TBL1X: variants seen among roughly 807,000 people sequenced by gnomAD.
TBL1X encodes the protein transducin beta like 1 X-linked.
TBL1X carries 10 observed loss-of-function variants against 50.7 expected under a neutral mutation model. The ratio of observed to expected loss-of-function variants is 0.20; its 90% CI spans 0.12 to 0.33. The LOEUF (loss-of-function observed/expected upper bound fraction) is 0.33. TBL1X is among the 10% of genes least tolerant of loss of function. The probability of loss-of-function intolerance (pLI) is 1.00; values close to 1 mark genes in which losing one functional copy is unlikely to be tolerated. For synonymous variants in TBL1X, 190 were observed against 214.7 expected (o/e 0.88, Z 1.01); for missense variants, 340 against 504.4 (o/e 0.67, Z 3.12).
chrX:9,497,740 TCCTCCCTCCCTCCCTCCCTC>T (rs58273803), intron 1 of TBL1X, among the ~76,000 whole-genome samples: 1 of 72,045 alleles, frequency 1.4e-5, no homozygotes, highest in Non-Finnish European at 2.6e-5. Context: ...ATTAGCGTGT[TCCTCCCTCCCTCCCTCCCTC>T]CCTCCCTCCC....
At chrX:9,536,051 T>C (rs1039517534) in intron 2 of TBL1X, among the ~76,000 whole-genome samples, 25 of 111,920 alleles carry the variant, frequency 2.2e-4, no homozygotes, top group Non-Finnish European at 4.1e-4. Context: ...GGTTGTGCTG[T>C]GTTTCAAATG....
chrX:9,692,272 C>A lies in TBL1X; in HGVS notation c.891+18C>A. On this transcript the variant is annotated intron_variant, in intron 9 of 17. Transcript: ENST00000645353. ...ACTGGAATGTAAGCATCTTCCACCC[C>A]CTGGGCACTTTGAAATTGGTAAAAT... The A allele has an allele frequency of 8.7e-7, 1 of 1,152,149 alleles. No individual in the cohort carries two copies. The highest frequency in any genetic ancestry group is 1.1e-6 in the Non-Finnish European group (1 of 869,758). 95.0% of individuals were successfully genotyped at this position (1,152,149 alleles called of 1,213,427 possible).
intron 12 of TBL1X, among the ~76,000 whole-genome samples, chrX:9,700,260 G>A (rs1250381641): frequency 1.8e-5 from 2 of 112,530 alleles, no homozygotes; most frequent in Non-Finnish European, 3.8e-5. Context: ...GGGTGAGGCA[G>A]GGATGTCTAA....
intron 2 of TBL1X, among the ~76,000 whole-genome samples, chrX:9,615,282 G>A (rs1181026600): frequency 8.9e-6 from 1 of 112,064 alleles, no homozygotes; most frequent in African/African-American, 3.2e-5. Context: ...TGAGGATGAG[G>A]GGCATCTTGT....
At chrX:9,703,273 G>A (rs759450557) in intron 12 of TBL1X, among the ~76,000 whole-genome samples, 4 of 104,949 alleles carry the variant, frequency 3.8e-5, no homozygotes, top group Non-Finnish European at 8.0e-5. Context: ...GAAGGGAAGA[G>A]ATCACCAGAG....
intron 15 of TBL1X, among the ~76,000 whole-genome samples, chrX:9,710,245 GA>G (rs61536992): frequency 0.35 from 32,961 of 94,534 alleles, 5,162 homozygotes; most frequent in East Asian, 0.68. Flanking sequence ...AACAGAAGAA[GA>G]AAAAAAACCA....
chrX:9,528,409 G>A (rs2082142871), intron 2 of TBL1X, among the ~76,000 whole-genome samples: 1 of 110,978 alleles, frequency 9.0e-6, no homozygotes, highest in African/African-American at 3.3e-5. Flanking sequence ...TTTGAAGAGC[G>A]AGGAGTTCTC....
At chrX:9,664,523 G>A (rs2082916050) in intron 5 of TBL1X, among the ~76,000 whole-genome samples, 1 of 110,945 alleles carries the variant, frequency 9.0e-6, no homozygotes, top group African/African-American at 3.3e-5. Context: ...TTGAATGTTT[G>A]CAGACTGGGG....
intron 2 of TBL1X, among the ~76,000 whole-genome samples, chrX:9,569,066 T>A (rs905400103): frequency 8.5e-5 from 9 of 106,254 alleles, no homozygotes; most frequent in African/African-American, 2.8e-4. Context: ...ATCTGTGCTG[T>A]GTGTGTCTGG....
Position 9,512,363 on chromosome X carries a change from T to G in TBL1X, c.-131+10514T>G, listed in dbSNP as rs775431360. On this transcript the variant is annotated intron_variant, in intron 2 of 17. Coordinates refer to ENST00000645353, the MANE Select transcript of TBL1X (RefSeq NM_005647.4). Reference sequence around the variant, plus strand: ...TTGTGTTACTCATGACCAATGCAGCTTTCAAGTTTATGACACGTGGCACCC... The same window carrying G: ...TTGTGTTACTCATGACCAATGCAGCGTTCAAGTTTATGACACGTGGCACCC... Among the ~76,000 whole-genome samples the G allele has an allele frequency of 4.5e-5, 5 of 111,831 alleles. No homozygotes were observed. The South Asian group carries it at 1.5e-3, about 34-fold the overall frequency.
intron 6 of TBL1X, 24 bp from the exon 7 acceptor site, chrX:9,687,992 GC>G (rs2083070957): frequency 1.7e-6 from 2 of 1,191,077 alleles, no homozygotes; most frequent in Admixed American, 2.3e-5. Context: ...TGAGCTGACA[GC>G]TGTACCTTGG....
At chrX:9,702,352 G>T (rs1169150457) in intron 12 of TBL1X, among the ~76,000 whole-genome samples, 1 of 107,327 alleles carries the variant, frequency 9.3e-6, no homozygotes, top group Non-Finnish European at 1.9e-5. Context: ...TGAGGTGGGA[G>T]AATCACCTGA....
intron 2 of TBL1X, among the ~76,000 whole-genome samples, chrX:9,574,253 A>G (rs1223835226): frequency 1.8e-5 from 2 of 109,045 alleles, no homozygotes; most frequent in African/African-American, 6.7e-5. Context: ...GTCCGAGACC[A>G]GCCTGGGCAA....
chrX:9,705,426 G>A (rs2083200598), intron 13 of TBL1X, among the ~76,000 whole-genome samples: 1 of 110,850 alleles, frequency 9.0e-6, no homozygotes. Context: ...AATAGACGGG[G>A]CACATCTGCA....
intron 5 of TBL1X, among the ~76,000 whole-genome samples, chrX:9,678,212 G>A (rs182111768): frequency 8.9e-6 from 1 of 111,817 alleles, no homozygotes; most frequent in Non-Finnish European, 1.9e-5. Context: ...GGTGGACGCA[G>A]AACTATCGGA....
chrX:9,632,794 C>T (rs1187030311), intron 2 of TBL1X, among the ~76,000 whole-genome samples: 1 of 111,901 alleles, frequency 8.9e-6, no homozygotes, highest in African/African-American at 3.3e-5. Context: ...TATGCAAACA[C>T]GGTTAGCTTG....
intron 2 of TBL1X, among the ~76,000 whole-genome samples, chrX:9,609,479 TC>T (rs1349670523): frequency 7.3e-5 from 8 of 108,972 alleles, no homozygotes; most frequent in Admixed American, 7.0e-4. Flanking sequence ...CACTTGACCT[TC>T]TCCAGGAAGC....
chrX:9,538,743 C>G (rs1057068048), intron 2 of TBL1X, among the ~76,000 whole-genome samples: 1 of 112,563 alleles, frequency 8.9e-6, no homozygotes, highest in Admixed American at 9.4e-5. Context: ...TGCCTTGTGT[C>G]CAGAGCCCCA....
At chrX:9,489,197 A>G (rs1356401868) in intron 1 of TBL1X, among the ~76,000 whole-genome samples, 2 of 110,057 alleles carry the variant, frequency 1.8e-5, no homozygotes, top group East Asian at 5.8e-4. Flanking sequence ...TGAGACCACC[A>G]TGAAGCAAGC....
Sources: gnomAD v4.1 joint callset for allele counts (sites outside exome capture counted in the v4.1 genomes callset) on GRCh38, gnomAD v4.1.1 for gene constraint, MANE v1.5 for transcripts, NCBI Gene and HGNC (gene_info 2026-07-23, HGNC 2026-07-21) for gene names.